The following PARD3 variants were observed in gnomAD, a reference collection of about 807,000 sequenced individuals.
PARD3 encodes partitioning defective 3 homolog.
Under a neutral mutation model 155.4 loss-of-function variants are expected in PARD3, and 75 were observed. That is an observed-to-expected ratio of 0.48 (90% CI 0.40 to 0.58). The LOEUF is 0.58. Among genes scored for constraint, PARD3 ranks in the 20% least tolerant of loss-of-function variants. The pLI, the probability that PARD3 is intolerant of heterozygous loss-of-function variation, is 0.00. For missense variants in PARD3, 1,642 were observed against 1,721.7 expected (o/e 0.95, Z 0.82); for synonymous variants, 576 against 610.5 (o/e 0.94, Z 0.83).
intron 22 of PARD3, among the ~76,000 whole-genome samples, chr10:34,163,055 T>C (rs1564445646): frequency 6.6e-6 from 1 of 152,196 alleles, no homozygotes; most frequent in Non-Finnish European, 1.5e-5. Context: ...AATAAATAAT[T>C]ACCTAATTAC....
At chr10:34,551,370 A>T (rs2084541918) in intron 2 of PARD3, among the ~76,000 whole-genome samples, 1 of 152,174 alleles carries the variant, frequency 6.6e-6, no homozygotes, top group Admixed American at 6.5e-5. Context: ...AACAACTTAA[A>T]GTCATATACA....
At chr10:34,781,073 G>A (rs1337262059) in intron 1 of PARD3, among the ~76,000 whole-genome samples, 2 of 152,142 alleles carry the variant, frequency 1.3e-5, no homozygotes, top group Admixed American at 6.5e-5. Flanking sequence ...GCTCAGGCTC[G>A]GTATCCAAAA....
intron 2 of PARD3, among the ~76,000 whole-genome samples, chr10:34,569,816 G>A (rs2086244345): frequency 1.3e-5 from 2 of 150,560 alleles, no homozygotes; most frequent in South Asian, 2.1e-4. Flanking sequence ...GGAAAAAAAC[G>A]CTAAAGTCAT....
At chr10:34,219,934 T>C (rs1952192964) in intron 22 of PARD3, among the ~76,000 whole-genome samples, 1 of 152,234 alleles carries the variant, frequency 6.6e-6, no homozygotes, top group South Asian at 2.1e-4. Flanking sequence ...ATGGAGCAGC[T>C]GCTGTCATTT....
chr10:34,621,447 C>T (rs554857265), intron 2 of PARD3, among the ~76,000 whole-genome samples: 38 of 152,248 alleles, frequency 2.5e-4, no homozygotes, highest in Middle Eastern at 3.4e-3. Context: ...TCCACCCACG[C>T]TCGGCCTCCC....
chr10:34,773,033 G>T (rs1259185853), intron 1 of PARD3, among the ~76,000 whole-genome samples: 1 of 151,974 alleles, frequency 6.6e-6, no homozygotes, highest in Admixed American at 6.6e-5. Context: ...GAACCACACG[G>T]CACACCAAAA....
intron 3 of PARD3, among the ~76,000 whole-genome samples, chr10:34,514,173 T>A (rs2133591540): frequency 6.6e-6 from 1 of 152,328 alleles, no homozygotes; most frequent in Admixed American, 6.5e-5. Flanking sequence ...CCACCAATTC[T>A]TTATGGAATA....
chr10:34,209,570 A>T (rs1044763564), intron 22 of PARD3, among the ~76,000 whole-genome samples: 3 of 152,220 alleles, frequency 2.0e-5, no homozygotes, highest in African/African-American at 7.2e-5. Flanking sequence ...ATATTCCTCA[A>T]TTCAGTTTTC....
At position 34,791,614 on chromosome 10, in the gene PARD3, G is replaced by A. The variant is rs1037150621; in HGVS notation, c.120+23262C>T. ...GTCAGAGCCAGGTGTGGTAGTGAGC[G>A]CCTAGAGTCCCAGTGCCTTGGGAGG... On this transcript the variant is annotated intron_variant, in intron 1 of 24. Coordinates refer to ENST00000374788, the MANE Select transcript of PARD3 (RefSeq NM_001184785.2). Among the ~76,000 whole-genome samples, 6 of 152,268 alleles carry A rather than the reference G, an allele frequency of 3.9e-5. No homozygotes were observed. The East Asian group carries it at 5.8e-4, about 15-fold the overall frequency.
chr10:34,530,845 T>C (rs1082127), intron 2 of PARD3, among the ~76,000 whole-genome samples: 59,553 of 152,014 alleles, frequency 0.39, 11,892 homozygotes, highest in South Asian at 0.45. Flanking sequence ...ATTAGAGCCA[T>C]TGTGTTTGAG....
At chr10:34,785,709 T>G (rs1275615980) in intron 1 of PARD3, among the ~76,000 whole-genome samples, 1 of 152,156 alleles carries the variant, frequency 6.6e-6, no homozygotes, top group Admixed American at 6.5e-5. Context: ...TAATGTGCAT[T>G]TATAAGGCAC....
chr10:34,786,823 T>C (rs1455658516), intron 1 of PARD3, among the ~76,000 whole-genome samples: 2 of 152,200 alleles, frequency 1.3e-5, no homozygotes, highest in Non-Finnish European at 2.9e-5. Flanking sequence ...TCTTTTCCAA[T>C]ATACATATAT....
At chr10:34,350,645 G>C (rs946952748) in intron 14 of PARD3, among the ~76,000 whole-genome samples, 1 of 143,898 alleles carries the variant, frequency 6.9e-6, no homozygotes, top group South Asian at 2.3e-4. Context: ...GGGGGGGAGG[G>C]GGGGTGGTAG....
At chr10:34,684,302 A>C (rs1309286427) in intron 2 of PARD3, among the ~76,000 whole-genome samples, 1 of 152,180 alleles carries the variant, frequency 6.6e-6, no homozygotes, top group Non-Finnish European at 1.5e-5. Context: ...AACTTTTTCT[A>C]ATGTATATAA....
At chr10:34,683,492 A>G (rs2093886192) in intron 2 of PARD3, among the ~76,000 whole-genome samples, 1 of 150,722 alleles carries the variant, frequency 6.6e-6, no homozygotes, top group South Asian at 2.1e-4. Flanking sequence ...GACAGCGTGA[A>G]GCCGGGATTC....
intron 2 of PARD3, among the ~76,000 whole-genome samples, chr10:34,668,218 G>A (rs2093536710): frequency 6.6e-6 from 1 of 152,128 alleles, no homozygotes; most frequent in Non-Finnish European, 1.5e-5. Flanking sequence ...CTCTTTTCTG[G>A]CAAATGTCTT....
chr10:34,742,528 C>A (rs72783660), intron 1 of PARD3, among the ~76,000 whole-genome samples: 1 of 152,122 alleles, frequency 6.6e-6, no homozygotes, highest in African/African-American at 2.4e-5. Context: ...TTTCAGTTTC[C>A]GTGTTCATTA....
At chr10:34,360,523 T>C (rs959952527) in intron 12 of PARD3, among the ~76,000 whole-genome samples, 3 of 152,174 alleles carry the variant, frequency 2.0e-5, no homozygotes, top group African/African-American at 7.2e-5. Context: ...GAAAATGTAG[T>C]GGAAGGACTA....
chr10:34,393,983 G>A (rs1843086829), intron 7 of PARD3, among the ~76,000 whole-genome samples: 2 of 151,668 alleles, frequency 1.3e-5, no homozygotes, highest in African/African-American at 2.4e-5. Context: ...GATTACAGGC[G>A]CACATCACCA....
Sources: allele counts gnomAD v4.1 joint callset (sites outside exome capture counted in the v4.1 genomes callset), GRCh38; gene constraint gnomAD v4.1.1; transcripts MANE v1.5; gene names NCBI Gene and HGNC (gene_info 2026-07-23, HGNC 2026-07-21).